Variants in MYH11 observed in about 807,000 individuals in gnomAD.
MYH11 encodes the protein myosin-11.
In MYH11, 80 loss-of-function variants were observed where a neutral mutation model predicts 246.6. The observed-to-expected ratio is 0.32, with a 90% CI of 0.27 to 0.39. The LOEUF is 0.39. Among genes scored for constraint, MYH11 ranks in the 10% least tolerant of loss-of-function variants. MYH11 has a pLI of 1.00. For missense variants in MYH11, 2,158 were observed against 2,546.8 expected (o/e 0.85, Z 3.29); for synonymous variants, 1,071 against 1,015.5 (o/e 1.05, Z -1.04).
chr16:15,771,694 C>T lies in MYH11; in HGVS notation c.908G>A (p.Gly303Asp), dbSNP rs2042105793. 14 of 1,613,966 alleles carry T rather than the reference C, an allele frequency of 8.7e-6. No homozygotes were observed. The highest frequency in any genetic ancestry group is 1.2e-5 in the Non-Finnish European group (14 of 1,180,020). The change falls in exon 9 of 41, where the codon GGC (glycine) becomes GAC (aspartate). Residue 303 changes from glycine (G) to aspartate (D), a missense_variant. This residue lies in a region of MYH11 where 75 missense variants were observed against 70.0 expected (regional missense o/e 1.07). Transcript: ENST00000300036. ...EKMRSDLLLE[G>D]FNNYTFLSNG... is the part of the protein sequence containing the mutation. ...GGAGAGGAAGGTGTAGTTGTTGAAG[C>T]CCTCCAAAAGCAAGTCACCTAGAAG...
intron 3 of MYH11, among the ~76,000 whole-genome samples, chr16:15,815,590 A>C (rs1294028608): frequency 6.6e-6 from 1 of 152,190 alleles, no homozygotes; most frequent in African/African-American, 2.4e-5. Context: ...AAAGAAACAG[A>C]GAACACAGGG....
intron 20 of MYH11, among the ~76,000 whole-genome samples, chr16:15,742,800 T>C (rs1238839866): frequency 6.6e-6 from 1 of 151,414 alleles, no homozygotes; most frequent in Non-Finnish European, 1.5e-5. Context: ...TCTTACAACT[T>C]TACATAGCCA....
chr16:15,800,747 C>T (rs115576164), intron 3 of MYH11, among the ~76,000 whole-genome samples: 2,268 of 151,956 alleles, frequency 0.015, 69 homozygotes, highest in African/African-American at 0.052. Context: ...GATGTGGGCA[C>T]GTTCCTCAGA....
chr16:15,767,334 G>A (rs763311631), intron 9 of MYH11, among the ~76,000 whole-genome samples: 10 of 152,278 alleles, frequency 6.6e-5, no homozygotes, highest in South Asian at 4.1e-4. Flanking sequence ...TACCTGCTTC[G>A]TGAAGTTTAG....
At chr16:15,706,505 C>G (rs1466079038) in intron 40 of MYH11, among the ~76,000 whole-genome samples, 1 of 152,106 alleles carries the variant, frequency 6.6e-6, no homozygotes, top group Non-Finnish European at 1.5e-5. Context: ...GTCAGTTGTT[C>G]GAGGCCATCC....
intron 35 of MYH11, 138 bp downstream of exon 35, chr16:15,719,447 A>T: frequency 6.7e-7 from 1 of 1,484,772 alleles, no homozygotes; most frequent in Non-Finnish European, 9.3e-7. Flanking sequence ...TACATAGAGG[A>T]GGGAAGCGTG....
chr16:15,805,830 G>A (rs1216252437), intron 3 of MYH11, among the ~76,000 whole-genome samples: 1 of 152,058 alleles, frequency 6.6e-6, no homozygotes, highest in East Asian at 1.9e-4. Context: ...GTGGGACAAT[G>A]GCTTGAGCCC....
At chr16:15,745,093 G>T (rs763180662) in intron 20 of MYH11, 36 bp downstream of exon 20, 1 of 1,529,052 alleles carries the variant, frequency 6.5e-7, no homozygotes, top group Admixed American at 1.7e-5. Context: ...GCAGGGCTGG[G>T]GGCCCCTGGG....
At chr16:15,763,234 C>G (rs1014114543) in intron 10 of MYH11, among the ~76,000 whole-genome samples, 24 of 152,180 alleles carry the variant, frequency 1.6e-4, no homozygotes, top group African/African-American at 5.5e-4. Context: ...CAATTGAGGT[C>G]TGTCTCCCCA....
chr16:15,775,891 G>T, intron 8 of MYH11, 187 bp downstream of exon 8: 1 of 649,066 alleles, frequency 1.5e-6, no homozygotes, highest in Middle Eastern at 2.8e-4. Context: ...CTCAGTAAAT[G>T]AGAATGACTG....
At chr16:15,786,511 G>T in intron 5 of MYH11, 119 bp downstream of exon 5, 4 of 970,718 alleles carry the variant, frequency 4.1e-6, no homozygotes, top group Non-Finnish European at 6.7e-6. Context: ...GTCTTCAGGG[G>T]AGGGGTAGTC....
rs767533401 is a variant in MYH11, at chr16:15,726,870, T to C, written c.3836A>G (p.Asn1279Ser). The C allele has an allele frequency of 9.3e-6, 15 of 1,612,060 alleles. No individual in the cohort carries two copies. The African/African-American group carries it at 1.1e-4, about 11-fold the overall frequency. The change falls in exon 28 of 41, where the codon AAT (asparagine) becomes AGT (serine). Residue 1279 changes from asparagine to serine, a missense_variant. By Grantham distance (46) the Asn-to-Ser change is conservative (BLOSUM62 1). Transcript: ENST00000300036. ...CACCTGCAGCTTGTGGACTTTGTCA[T>C]TGAGCTCCGCCCGGGCCCGCTCCCC... ...SDGERARAEL[N>S]DKVHKLQNEV...
At chr16:15,798,171 G>A (rs534520389) in intron 4 of MYH11, among the ~76,000 whole-genome samples, 2 of 152,268 alleles carry the variant, frequency 1.3e-5, no homozygotes, top group South Asian at 4.1e-4. Flanking sequence ...CTAAAATTGA[G>A]TTACTATCTT....
rs2041541169 is a variant in MYH11, at chr16:15,750,626, T to C, written c.1865-295A>G. On this transcript the variant is annotated intron_variant, in intron 15 of 40. Coordinates refer to ENST00000300036, the MANE Select transcript of MYH11 (RefSeq NM_002474.3). The surrounding 1 kb of genome is among the most constrained non-coding windows in gnomAD (Gnocchi z 4.3). Reference sequence around the variant, plus strand: ...GGCTTGGCACTATCCTGTGCCTCAGTCTCCCTTTCTACAAAAGGGAGGTAA... The same window carrying C: ...GGCTTGGCACTATCCTGTGCCTCAGCCTCCCTTTCTACAAAAGGGAGGTAA... Among the ~76,000 whole-genome samples the C allele has an allele frequency of 6.6e-6, 1 of 152,022 alleles. No homozygotes were observed. Among genetic ancestry groups the C allele is most frequent in the Non-Finnish European group, 1.5e-5 (1 of 68,016 alleles).
At chr16:15,794,087 G>A (rs1250242550) in intron 4 of MYH11, among the ~76,000 whole-genome samples, 1 of 147,828 alleles carries the variant, frequency 6.8e-6, no homozygotes, top group East Asian at 2.0e-4. Context: ...GGGACTACAG[G>A]CACCCGCCAC....
intron 36 of MYH11, chr16:15,718,835 TGGG>T: frequency 5.0e-6 from 2 of 402,784 alleles, no homozygotes; most frequent in Non-Finnish European, 9.3e-6. Flanking sequence ...AGCATTGAAA[TGGG>T]GGTCCAGGGC....
At chr16:15,801,536 C>G (rs1035765577) in intron 3 of MYH11, among the ~76,000 whole-genome samples, 1 of 151,566 alleles carries the variant, frequency 6.6e-6, no homozygotes, top group South Asian at 2.1e-4. Flanking sequence ...ATAGACATAC[C>G]CCTTGTCCCA....
In MYH11 at chr16:15,771,564, C is replaced by A. The variant is rs2042101215; in HGVS notation, c.1033+5G>T. On this transcript the variant is annotated splice_donor_5th_base_variant and intron_variant, in intron 9 of 40. Transcript: ENST00000300036. ...TACCCTCCAGACTCAAGGTGTGAGG[C>A]TTACATAGCTGCTCCTCCTCGCTGA... 1 of 1,612,984 alleles carries A rather than the reference C, an allele frequency of 6.2e-7. No homozygotes were observed. Among genetic ancestry groups the A allele is most frequent in the Non-Finnish European group, 8.5e-7 (1 of 1,179,942 alleles).
intron 9 of MYH11, among the ~76,000 whole-genome samples, chr16:15,767,178 G>A (rs762174431): frequency 1.3e-5 from 2 of 152,056 alleles, no homozygotes; most frequent in Non-Finnish European, 2.9e-5. Context: ...ATGGGTGATG[G>A]AAGGATGAGT....
Sources: allele counts gnomAD v4.1 joint callset (sites outside exome capture counted in the v4.1 genomes callset), GRCh38; gene constraint gnomAD v4.1.1; regional missense constraint gnomAD v4.1.1; non-coding constraint Gnocchi (gnomAD v3.1); transcripts MANE v1.5; gene names NCBI Gene and HGNC (gene_info 2026-07-23, HGNC 2026-07-21).